The following PROM1 variants were observed in gnomAD, a reference collection of about 807,000 sequenced individuals.
The protein encoded by PROM1 is prominin 1, also known as prominin-1.
PROM1 carries 105 observed loss-of-function variants against 116.9 expected under a neutral mutation model. The observed-to-expected ratio is 0.90, with a 90% CI of 0.77 to 1.06. The LOEUF (loss-of-function observed/expected upper bound fraction) is 1.06. Among genes scored for constraint, PROM1 ranks in the 50% least tolerant of loss-of-function variants. The pLI, the probability that PROM1 is intolerant of heterozygous loss-of-function variation, is 0.00. For synonymous variants in PROM1, 393 were observed against 387.0 expected (o/e 1.02, Z -0.18); for missense variants, 1,122 against 1,045.2 (o/e 1.07, Z -1.01).
chr4:16,013,159 G>T, intron 11 of PROM1, 116 bp downstream of exon 11: 3 of 808,222 alleles, frequency 3.7e-6, no homozygotes, highest in South Asian at 3.7e-5. Flanking sequence ...GTTTAGTTTT[G>T]ACAGCTTTAA....
At chr4:16,046,290 G>C (rs1578198121) in intron 2 of PROM1, among the ~76,000 whole-genome samples, 1 of 152,208 alleles carries the variant, frequency 6.6e-6, no homozygotes. Flanking sequence ...TTCCCATATG[G>C]AAGGGATCTT....
chr4:16,063,864 A>C (rs1740906803), intron 2 of PROM1, among the ~76,000 whole-genome samples: 1 of 152,204 alleles, frequency 6.6e-6, no homozygotes, highest in South Asian at 2.1e-4. Context: ...TTTGCTTCAA[A>C]GTAAAAGAAG....
At position 16,010,501 on chromosome 4, in the gene PROM1, G is replaced by A. The variant is rs117134055; in HGVS notation, c.1142-1393C>T. On this transcript the variant is annotated intron_variant, in intron 11 of 27. Coordinates refer to ENST00000447510, the MANE Select transcript of PROM1 (RefSeq NM_006017.3). ...AAACGTAATCACATAAAAATGGCAAGAAACTTTTTGTTTTCTTTTTGAGAC... is the reference window on the plus strand; with the variant it reads ...AAACGTAATCACATAAAAATGGCAAAAAACTTTTTGTTTTCTTTTTGAGAC... Among the ~76,000 whole-genome samples the A allele has an allele frequency of 2.6e-5, 4 of 152,274 alleles. No individual in the cohort carries two copies. The East Asian group carries it at 7.7e-4, about 29-fold the overall frequency.
intron 5 of PROM1, among the ~76,000 whole-genome samples, chr4:16,030,828 T>C (rs1732520578): frequency 6.6e-6 from 1 of 152,116 alleles, no homozygotes; most frequent in African/African-American, 2.4e-5. Flanking sequence ...GGCAGATCAT[T>C]TGAGGCCAGG....
intron 5 of PROM1, among the ~76,000 whole-genome samples, chr4:16,027,448 T>C (rs1273368752): frequency 6.6e-6 from 1 of 152,188 alleles, no homozygotes; most frequent in African/African-American, 2.4e-5. Context: ...TCTTGCTCTC[T>C]CTTCCCAGCA....
At chr4:15,983,544 C>A (rs1718508524) in intron 23 of PROM1, among the ~76,000 whole-genome samples, 2 of 152,028 alleles carry the variant, frequency 1.3e-5, no homozygotes, top group Non-Finnish European at 2.9e-5. Flanking sequence ...GCGGCGTGTG[C>A]CCATCTCCAG....
chr4:16,018,151 G>A, intron 9 of PROM1, 172 bp downstream of exon 9: 1 of 612,750 alleles, frequency 1.6e-6, no homozygotes, highest in Non-Finnish European at 2.9e-6. Context: ...CTTTGCTCCT[G>A]CTGTGGTCAT....
At chr4:16,051,687 G>C (rs1737925670) in intron 2 of PROM1, among the ~76,000 whole-genome samples, 1 of 152,152 alleles carries the variant, frequency 6.6e-6, no homozygotes, top group Admixed American at 6.5e-5. Context: ...AGCCACTAAG[G>C]CTGCCTGGTC....
chr4:16,030,395 T>C (rs1732378597), intron 5 of PROM1, among the ~76,000 whole-genome samples: 1 of 152,220 alleles, frequency 6.6e-6, no homozygotes, highest in African/African-American at 2.4e-5. Flanking sequence ...AAATCTAAAA[T>C]TACAATTTTC....
rs778033427 is a variant in PROM1, at chr4:16,009,016, A to C, written c.1234T>G (p.Tyr412Asp). 1 of 1,595,824 alleles carries C rather than the reference A, an allele frequency of 6.3e-7. No individual in the cohort carries two copies. Among genetic ancestry groups the C allele is most frequent in the Middle Eastern group, 1.7e-4 (1 of 5,860 alleles). The change falls in exon 12 of 28, where the codon TAT (tyrosine) becomes GAT (aspartate). Residue 412 changes from tyrosine (Y) to aspartate (D), a missense_variant. Physicochemically the swap from Tyr to Asp is radical, Grantham distance 160 (BLOSUM62 -3). Transcript: ENST00000447510. Reference protein sequence around the residue: ...IQDILSAFSVYVNNTESYIHR... With the variant: ...IQDILSAFSVDVNNTESYIHR... ...ATGTAACTTTCAGTGTTATTAACAT[A>C]AACAGAGAATGCTGAGAGTATATCC...
At chr4:16,071,428 C>T (rs574020990) in intron 2 of PROM1, among the ~76,000 whole-genome samples, 1 of 152,314 alleles carries the variant, frequency 6.6e-6, no homozygotes, top group East Asian at 1.9e-4. Flanking sequence ...CCCTCTGTCA[C>T]GTCCTGAATA....
chr4:16,063,282 G>T (rs540307766), intron 2 of PROM1, among the ~76,000 whole-genome samples: 2 of 152,238 alleles, frequency 1.3e-5, no homozygotes, highest in South Asian at 2.1e-4. Flanking sequence ...AAGACATAAA[G>T]GTGCACCTTA....
chr4:15,990,340 G>A (rs758882744), intron 18 of PROM1, among the ~76,000 whole-genome samples: 9 of 152,196 alleles, frequency 5.9e-5, no homozygotes, highest in Non-Finnish European at 7.3e-5. Flanking sequence ...TCACCATGGC[G>A]TGCTGCTTCT....
At chr4:15,995,411 A>C (rs1722083525) in intron 15 of PROM1, among the ~76,000 whole-genome samples, 1 of 151,992 alleles carries the variant, frequency 6.6e-6, no homozygotes, top group African/African-American at 2.4e-5. Context: ...GGAGGAGAAG[A>C]AGAGGAGGAG....
chr4:15,980,532 C>G lies in PROM1; in HGVS notation c.2379G>C (p.Leu793Phe). 1 of 1,502,750 alleles carries G rather than the reference C, an allele frequency of 6.7e-7. No homozygotes were observed. The highest frequency in any genetic ancestry group is 1.2e-5 in the South Asian group (1 of 80,370). The allele number at this position is 1,502,750 out of a possible 1,614,324, so 93.1% of individuals were successfully genotyped here. The change falls in exon 24 of 28, where the codon TTG becomes TTC. Residue 793 changes from leucine (L) to phenylalanine (F), a missense_variant. Transcript: ENST00000447510. ...TAGCTTTTCCTATGCCAAACCAAAA[C>G]AAATTCTAGGAAAAAAAAATCAGAA... ...LCSYIIDPLN[L>F]FWFGIGKATV...
intron 18 of PROM1, among the ~76,000 whole-genome samples, chr4:15,990,146 T>C (rs1218095027): frequency 2.0e-5 from 3 of 152,204 alleles, no homozygotes; most frequent in African/African-American, 7.2e-5. Context: ...CATAGAGAAA[T>C]TTTTATTTAA....
intron 2 of PROM1, among the ~76,000 whole-genome samples, chr4:16,060,156 A>G (rs111658864): frequency 0.012 from 1,870 of 152,310 alleles, 23 homozygotes; most frequent in Middle Eastern, 0.068. Flanking sequence ...GAAGCTTCAC[A>G]CTGCATATTC....
intron 20 of PROM1, 47 bp downstream of exon 20, chr4:15,987,616 G>A: frequency 4.5e-6 from 7 of 1,547,780 alleles, no homozygotes; most frequent in Non-Finnish European, 6.2e-6. Flanking sequence ...TCTTTGTGTG[G>A]TATTTTATAA....
chr4:16,057,892 T>A (rs1739406304), intron 2 of PROM1, among the ~76,000 whole-genome samples: 1 of 152,126 alleles, frequency 6.6e-6, no homozygotes, highest in Non-Finnish European at 1.5e-5. Flanking sequence ...CCCCACAGCA[T>A]TCATTCCTTA....
Sources: allele counts gnomAD v4.1 joint callset (sites outside exome capture counted in the v4.1 genomes callset), GRCh38; gene constraint gnomAD v4.1.1; transcripts MANE v1.5; gene names NCBI Gene and HGNC (gene_info 2026-07-23, HGNC 2026-07-21).